EP400: variants seen among roughly 807,000 people sequenced by gnomAD.
The protein encoded by EP400 is E1A binding protein p400, also known as E1A-binding protein p400.
Under a neutral mutation model 354.1 loss-of-function variants are expected in EP400, and 105 were observed. The ratio of observed to expected loss-of-function variants is 0.30; its 90% CI spans 0.25 to 0.35. The LOEUF (loss-of-function observed/expected upper bound fraction) is 0.35. EP400 is among the 10% of genes least tolerant of loss of function. EP400 has a pLI of 1.00. For missense variants in EP400, 3,280 were observed against 4,121.0 expected (o/e 0.80, Z 5.59); for synonymous variants, 1,646 against 1,716.9 (o/e 0.96, Z 1.02).
Position 132,062,578 on chromosome 12 carries a change from G to GCAGCAGCAGCAGCAA in EP400, c.8230_8244dup (p.Gln2744_Gln2748dup), listed in dbSNP as rs760372352. ...AGCAGCAGCAGCAGCAGCAGCAGCA[G>GCAGCAGCAGCAGCAA]CAGCAGCAGCAGCAACAGCAGCAGC... On this transcript the variant is annotated inframe_insertion, in exon 47 of 53. Transcript: ENST00000389561. 11 of 1,609,506 alleles carry GCAGCAGCAGCAGCAA rather than the reference G, an allele frequency of 6.8e-6. No homozygotes were observed. The highest frequency in any genetic ancestry group is 4.5e-5 in the East Asian group (2 of 44,692).
chr12:132,064,809 C>T lies in EP400; in HGVS notation c.8476C>T (p.Leu2826Phe), dbSNP rs757659420. 6.2e-7 allele frequency: 1 copy of T among 1,612,830 alleles called. No individual in the cohort carries two copies. Among genetic ancestry groups the T allele is most frequent in the South Asian group, 1.1e-5 (1 of 91,060 alleles). ...SQPPQQQSPQ[L>F]TTVTAPRPGA... is the part of the protein sequence containing the mutation. ...GCCGCCGCAGCAGCAGAGCCCCCAG[C>T]TCACGACGGTCACGGCCCCAAGGCC... The change falls in exon 48 of 53, where the codon CTC becomes TTC. Residue 2826 changes from leucine to phenylalanine, a missense_variant. By Grantham distance (22) the Leu-to-Phe change is conservative (BLOSUM62 0). Around this residue, in one of 20 missense-constraint regions of EP400, gnomAD observed 86 missense variants for 66.4 expected, o/e 1.29. Coordinates refer to ENST00000389561, the MANE Select transcript of EP400 (RefSeq NM_015409.5).
Position 132,006,181 on chromosome 12 carries a change from TG to T in EP400, c.3007del (p.Asp1003IlefsTer9), listed in dbSNP as rs1893573115. The T allele has an allele frequency of 6.2e-7, 1 of 1,614,106 alleles. No individual in the cohort carries two copies. Among genetic ancestry groups the T allele is most frequent in the Non-Finnish European group, 8.5e-7 (1 of 1,180,048 alleles). On this transcript the variant is annotated frameshift_variant, in exon 14 of 53. Transcript: ENST00000389561. LOFTEE classifies it high-confidence loss of function. ...DLVLIDSLFI[M>X]DQFKAAERMN... ...GTTCTCATCGACTCGCTTTTCATCATGGATCAGTTCAAAGCTGCCGAGAGGA... is the reference window on the plus strand; with the variant it reads ...GTTCTCATCGACTCGCTTTTCATCATGATCAGTTCAAAGCTGCCGAGAGGA...
At chr12:132,056,679 T>C (rs1895527535) in intron 45 of EP400, among the ~76,000 whole-genome samples, 1 of 152,126 alleles carries the variant, frequency 6.6e-6, no homozygotes, top group Non-Finnish European at 1.5e-5. Flanking sequence ...CTGTGCTACT[T>C]TGGTTTAGGC....
At position 132,080,185 on chromosome 12, in the gene EP400, GTT is replaced by G. The variant is rs1285086500; in HGVS notation, c.*2516_*2517del. 6.6e-6 allele frequency: 1 copy of G among 152,430 alleles called. No individual in the cohort carries two copies. The highest frequency in any genetic ancestry group is 2.4e-5 in the African/African-American group (1 of 41,446). 9.4% of individuals were successfully genotyped at this position (152,430 alleles called of 1,614,324 possible). On this transcript the variant is annotated 3_prime_UTR_variant, in exon 53 of 53. Coordinates refer to ENST00000389561, the MANE Select transcript of EP400 (RefSeq NM_015409.5). The stretch of plus-strand genomic sequence containing the variant: ...GATGATAAAAACAGTTAGCCAGACT[GTT>G]TTTAAAGCACCTGGCGGGAAGCAGA...
intron 30 of EP400, among the ~76,000 whole-genome samples, chr12:132,034,616 G>A (rs1894631748): frequency 2.0e-5 from 3 of 152,214 alleles, no homozygotes; most frequent in African/African-American, 4.8e-5. Context: ...GGTGCTGTTG[G>A]TGTCGGGGCA....
intron 13 of EP400, among the ~76,000 whole-genome samples, chr12:132,005,443 G>A (rs1037958267): frequency 2.6e-5 from 4 of 152,152 alleles, no homozygotes; most frequent in African/African-American, 9.7e-5. Context: ...AAACATCATT[G>A]TTTTATGGAC....
At chr12:132,037,213 G>A (rs1265969136) in intron 30 of EP400, among the ~76,000 whole-genome samples, 3 of 152,186 alleles carry the variant, frequency 2.0e-5, no homozygotes, top group Non-Finnish European at 2.9e-5. Context: ...AACACCTCTT[G>A]TGGGTCTGGT....
At chr12:131,980,835 A>T (rs1892657072) in intron 3 of EP400, among the ~76,000 whole-genome samples, 1 of 152,150 alleles carries the variant, frequency 6.6e-6, no homozygotes, top group African/African-American at 2.4e-5. Flanking sequence ...TATAAGCGTG[A>T]GCCACCGCGC....
intron 37 of EP400, 87 bp downstream of exon 37, chr12:132,045,040 T>C: frequency 1.3e-6 from 2 of 1,520,910 alleles, no homozygotes; most frequent in Non-Finnish European, 1.8e-6. Context: ...TGTCTGCCTG[T>C]CTGCTGTCTG....
At chr12:131,986,015 C>T (rs1162183136) in intron 5 of EP400, among the ~76,000 whole-genome samples, 1 of 152,116 alleles carries the variant, frequency 6.6e-6, no homozygotes, top group Admixed American at 6.5e-5. Flanking sequence ...TGCTTCGTTG[C>T]CCAGGCTGGA....
intron 2 of EP400, among the ~76,000 whole-genome samples, chr12:131,978,672 A>C (rs1475149881): frequency 6.6e-6 from 1 of 151,846 alleles, no homozygotes; most frequent in Non-Finnish European, 1.5e-5. Context: ...TGCCTGGCTA[A>C]CATTTTAATT....
intron 11 of EP400, among the ~76,000 whole-genome samples, chr12:131,993,802 A>G (rs962712498): frequency 5.3e-5 from 8 of 152,230 alleles, no homozygotes; most frequent in Non-Finnish European, 1.0e-4. Context: ...ATGTAAAGAT[A>G]CGGTATTACA....
In EP400 at chr12:132,018,421, C is replaced by A; in HGVS notation, c.4277+45C>A. On this transcript the variant is annotated intron_variant, in intron 21 of 52. Transcript: ENST00000389561. This position sits in a 1 kb window ranked among gnomAD's most constrained non-coding sequence, Gnocchi z 4.0. ...AGCGGGGAGGGTTGGCTCCCAGGGC[C>A]CCCACAGCTGACCCAGGTCTATGCG... 6.4e-7 allele frequency: 1 copy of A among 1,560,300 alleles called. No individual in the cohort carries two copies. Among genetic ancestry groups the A allele is most frequent in the Non-Finnish European group, 8.6e-7 (1 of 1,159,354 alleles).
At chr12:131,970,911 TATTA>T (rs1294919331) in intron 2 of EP400, among the ~76,000 whole-genome samples, 1 of 152,168 alleles carries the variant, frequency 6.6e-6, no homozygotes, top group Non-Finnish European at 1.5e-5. Context: ...AGTGCAATAT[TATTA>T]ATTACAGGCT....
At chr12:132,044,518 C>G (rs1217303898) in intron 35 of EP400, among the ~76,000 whole-genome samples, 153 bp from the exon 36 acceptor site, 1 of 152,176 alleles carries the variant, frequency 6.6e-6, no homozygotes, top group Non-Finnish European at 1.5e-5. Flanking sequence ...TAGATATTGA[C>G]CAGCTCTGAT....
rs756389107 is a variant in EP400, at chr12:132,062,610, AGAC to A, written c.8253_8255del (p.Thr2752del). The A allele has an allele frequency of 1.5e-5, 25 of 1,613,980 alleles. No individual in the cohort carries two copies. The South Asian group carries it at 2.1e-4, about 13-fold the overall frequency. ...CAGCAGCAACAGCAGCAGCAGCAAC[AGAC>A]GACGACGACCTCTCAGGTGCAAGTT... On this transcript the variant is annotated inframe_deletion, in exon 47 of 53. Coordinates refer to ENST00000389561, the MANE Select transcript of EP400 (RefSeq NM_015409.5).
intron 30 of EP400, among the ~76,000 whole-genome samples, chr12:132,036,333 C>T (rs1187116501): frequency 4.0e-5 from 6 of 150,890 alleles, no homozygotes; most frequent in Admixed American, 1.3e-4. Flanking sequence ...TACGGAACAT[C>T]GTGGAAGGGC....
intron 1 of EP400, among the ~76,000 whole-genome samples, chr12:131,952,881 T>C (rs1169027774): frequency 6.6e-6 from 1 of 152,120 alleles, no homozygotes; most frequent in African/African-American, 2.4e-5. Context: ...GGGTAACACA[T>C]GAACAGTTCA....
Position 132,043,400 on chromosome 12 carries a change from G to C in EP400, c.6304G>C (p.Glu2102Gln), listed in dbSNP as rs372699425. Reference protein sequence around the residue: ...PHTDALSSDSENMPCDEEPSQ... With the variant: ...PHTDALSSDSQNMPCDEEPSQ... ...CACTGATGCTCTGTCATCAGACTCT[G>C]AGAACATGCCGTGTGATGAAGAACC... The change falls in exon 33 of 53, where the codon GAG (glutamate) becomes CAG (glutamine). Residue 2102 changes from glutamate (E) to glutamine (Q), a missense_variant. By Grantham distance (29) the Glu-to-Gln change is conservative. Coordinates refer to ENST00000389561, the MANE Select transcript of EP400 (RefSeq NM_015409.5). 6 of 1,613,660 alleles carry C rather than the reference G, an allele frequency of 3.7e-6. No individual in the cohort carries two copies. The highest frequency in any genetic ancestry group is 1.3e-5 in the African/African-American group (1 of 74,924).
Sources: allele counts gnomAD v4.1 joint callset (sites outside exome capture counted in the v4.1 genomes callset), GRCh38; gene constraint gnomAD v4.1.1; regional missense constraint gnomAD v4.1.1; non-coding constraint Gnocchi (gnomAD v3.1); transcripts MANE v1.5; gene names NCBI Gene and HGNC (gene_info 2026-07-23, HGNC 2026-07-21).